PALM2AKAP2: variants seen among roughly 807,000 people sequenced by gnomAD.
The protein encoded by PALM2AKAP2 is PALM2 and AKAP2 fusion.
A neutral mutation model predicts 71.5 loss-of-function variants in PALM2AKAP2; 37 were observed. That is an observed-to-expected ratio of 0.52 (90% CI 0.40 to 0.68). The LOEUF is 0.68. Among genes scored for constraint, PALM2AKAP2 ranks in the 30% least tolerant of loss-of-function variants. The pLI is 0.00. For missense variants in PALM2AKAP2, 1,224 were observed against 1,191.8 expected (o/e 1.03, Z -0.40); for synonymous variants, 468 against 478.8 (o/e 0.98, Z 0.29).
chr9:109,755,908 G>A (rs1350877524), intron 1 of PALM2AKAP2, among the ~76,000 whole-genome samples: 1 of 152,026 alleles, frequency 6.6e-6, no homozygotes, highest in Non-Finnish European at 1.5e-5. Flanking sequence ...TGTAAAAATG[G>A]CAGCACAATC....
At chr9:110,095,258 G>A (rs938948760) in intron 1 of PALM2AKAP2, among the ~76,000 whole-genome samples, 2 of 152,214 alleles carry the variant, frequency 1.3e-5, no homozygotes, top group Non-Finnish European at 2.9e-5. Flanking sequence ...CCATGGAGAT[G>A]TCTCTGAAAA....
chr9:109,961,240 G>A (rs777959436), intron 6 of PALM2AKAP2, among the ~76,000 whole-genome samples: 1 of 152,230 alleles, frequency 6.6e-6, no homozygotes, highest in Non-Finnish European at 1.5e-5. Context: ...TAAACTTGCT[G>A]TAGCCTGTCA....
chr9:109,943,875 TGG>T (rs2132048978), intron 6 of PALM2AKAP2: 1 of 161,562 alleles, frequency 6.2e-6, no homozygotes, highest in East Asian at 1.8e-4. Flanking sequence ...ATATCTTGTG[TGG>T]CAAAATGCTG....
chr9:109,725,785 CA>C (rs1417639500), intron 1 of PALM2AKAP2, among the ~76,000 whole-genome samples: 2 of 151,908 alleles, frequency 1.3e-5, no homozygotes, highest in East Asian at 1.9e-4. Flanking sequence ...CATGTAACTC[CA>C]AAAAAAGTCT....
intron 1 of PALM2AKAP2, among the ~76,000 whole-genome samples, chr9:110,128,344 T>G (rs1157358184): frequency 2.0e-5 from 3 of 152,186 alleles, no homozygotes; most frequent in African/African-American, 7.2e-5. Context: ...TGTCATTGCG[T>G]CCTGCGCACT....
At chr9:110,131,769 T>C (rs1008722309) in intron 1 of PALM2AKAP2, among the ~76,000 whole-genome samples, 1 of 152,222 alleles carries the variant, frequency 6.6e-6, no homozygotes, top group Non-Finnish European at 1.5e-5. Context: ...GAATCAGTAA[T>C]TCAGAGTTGT....
intron 6 of PALM2AKAP2, among the ~76,000 whole-genome samples, chr9:110,014,807 TATA>T (rs2132336568): frequency 3.2e-4 from 1 of 3,174 alleles, no homozygotes; most frequent in East Asian, 8.9e-3. Context: ...AAAAAAAATG[TATA>T]TATATATATA....
At chr9:110,108,293 A>G (rs550643145) in intron 1 of PALM2AKAP2, among the ~76,000 whole-genome samples, 3 of 151,726 alleles carry the variant, frequency 2.0e-5, no homozygotes, top group Admixed American at 6.6e-5. Flanking sequence ...TGTATTTTTT[A>G]GTAGAGACAG....
At chr9:109,820,386 C>T (rs1037789983) in intron 1 of PALM2AKAP2, among the ~76,000 whole-genome samples, 4 of 152,166 alleles carry the variant, frequency 2.6e-5, no homozygotes, top group African/African-American at 7.2e-5. Context: ...CTGGGATGCT[C>T]CAGTGGTGAG....
chr9:109,932,333 G>A (rs1831125497), intron 6 of PALM2AKAP2, among the ~76,000 whole-genome samples: 1 of 152,178 alleles, frequency 6.6e-6, no homozygotes, highest in South Asian at 2.1e-4. Flanking sequence ...TCTGTATTCT[G>A]CCTCCAGGGA....
In PALM2AKAP2 at chr9:109,691,893, TATATATATACAC is replaced by T. The variant is rs1403813630; in HGVS notation, c.5+51029_5+51040del. Among the ~76,000 whole-genome samples, 22 of 73,146 alleles carry T rather than the reference TATATATATACAC, an allele frequency of 3.0e-4. 1 individual carries two copies. Among genetic ancestry groups the T allele is most frequent in the African/African-American group, 4.9e-4 (8 of 16,432 alleles). The allele number at this position is 73,146 out of a possible 152,430, so 48.0% of individuals were successfully genotyped here. A position where few individuals can be genotyped will look rare whatever the true frequency, so the allele number is the denominator to read the frequency against. On this transcript the variant is annotated intron_variant, in intron 1 of 6. Coordinates refer to the PALM2AKAP2 transcript ENST00000374531. The stretch of plus-strand genomic sequence containing the variant: ...ACACACACACACACATATATATATA[TATATATATACAC>T]ACACACATATATATATATACACATA...
chr9:109,837,311 T>C (rs1193310145), intron 1 of PALM2AKAP2, among the ~76,000 whole-genome samples: 2 of 152,158 alleles, frequency 1.3e-5, no homozygotes, highest in Non-Finnish European at 2.9e-5. Flanking sequence ...TAAAATCCTT[T>C]ACAGAGAAGC....
At chr9:110,057,665 A>G (rs1434238191) in intron 1 of PALM2AKAP2, among the ~76,000 whole-genome samples, 1 of 151,758 alleles carries the variant, frequency 6.6e-6, no homozygotes, top group Non-Finnish European at 1.5e-5. Flanking sequence ...GGTGTGAGCC[A>G]CCACGCCCAG....
chr9:110,011,892 C>T (rs150979008), intron 6 of PALM2AKAP2, among the ~76,000 whole-genome samples: 257 of 152,326 alleles, frequency 1.7e-3, no homozygotes, highest in Admixed American at 4.0e-3. Flanking sequence ...GCACAAGATA[C>T]TGGTGTAGAA....
At chr9:109,946,351 A>G (rs1407926875) in intron 6 of PALM2AKAP2, 1 of 152,176 alleles carries the variant, frequency 6.6e-6, no homozygotes, top group South Asian at 2.1e-4. Flanking sequence ...TTGCAAAACC[A>G]TGATCTTTTT....
intron 1 of PALM2AKAP2, among the ~76,000 whole-genome samples, chr9:109,816,476 G>A (rs997273269): frequency 2.0e-5 from 3 of 152,180 alleles, no homozygotes; most frequent in Non-Finnish European, 4.4e-5. Flanking sequence ...CAGGGAAAGA[G>A]GCGAGGCTGT....
intron 1 of PALM2AKAP2, among the ~76,000 whole-genome samples, chr9:109,684,733 T>G (rs1827784002): frequency 6.6e-6 from 1 of 152,218 alleles, no homozygotes; most frequent in African/African-American, 2.4e-5. Flanking sequence ...ATAAATCATT[T>G]TGTCAAATTG....
chr9:110,009,366 C>G (rs1321443695), intron 6 of PALM2AKAP2, among the ~76,000 whole-genome samples: 1 of 152,202 alleles, frequency 6.6e-6, no homozygotes, highest in Non-Finnish European at 1.5e-5. Flanking sequence ...CACCAGGTCT[C>G]TTTAGCCGCC....
upstream of PALM2AKAP2, among the ~76,000 whole-genome samples, chr9:109,776,521 T>C (rs1025212515): frequency 2.0e-5 from 3 of 152,228 alleles, no homozygotes; most frequent in African/African-American, 7.2e-5. Context: ...TTCTCTAACA[T>C]GCTCAGTCTC....
Sources: allele counts gnomAD v4.1 joint callset (sites outside exome capture counted in the v4.1 genomes callset), GRCh38; gene constraint gnomAD v4.1.1; transcripts MANE v1.5; gene names NCBI Gene and HGNC (gene_info 2026-07-23, HGNC 2026-07-21).